Variants in RINT1 observed in about 807,000 individuals in gnomAD.
RINT1 encodes RAD50-interacting protein 1.
RINT1 carries 75 observed loss-of-function variants against 97.7 expected under a neutral mutation model. That is an observed-to-expected ratio of 0.77 (90% CI 0.64 to 0.93). RINT1 has a LOEUF of 0.93. Ranked by LOEUF, RINT1 falls within the 40% of genes least tolerant of loss-of-function variation. The pLI, the probability that RINT1 is intolerant of heterozygous loss-of-function variation, is 0.00. For missense variants in RINT1, 892 were observed against 925.2 expected (o/e 0.96, Z 0.47); for synonymous variants, 303 against 326.3 (o/e 0.93, Z 0.77).
rs111689037 is a variant in RINT1 at position 105,555,269 on chromosome 7, C to T, written c.1671+42C>T. 1,958 of 1,482,646 alleles carry T rather than the reference C, an allele frequency of 1.3e-3. 21 individuals are homozygous for T. The African/African-American group carries it at 0.023, about 17-fold the overall frequency. The allele number at this position is 1,482,646 out of a possible 1,614,324, so 91.8% of individuals were successfully genotyped here. A position where few individuals can be genotyped will look rare whatever the true frequency, so the allele number is the denominator to read the frequency against. On this transcript the variant is annotated intron_variant, in intron 11 of 14. Transcript: ENST00000257700. ...TTATATTAAGTAATATATACTAGTTCGAACTATTTTATTAATACTTTTCAA... is the reference window on the plus strand; with the variant it reads ...TTATATTAAGTAATATATACTAGTTTGAACTATTTTATTAATACTTTTCAA...
At chr7:105,546,821 A>G (rs937052320) in intron 4 of RINT1, 89 bp from the exon 5 acceptor site, 1 of 888,358 alleles carries the variant, frequency 1.1e-6, no homozygotes, top group Non-Finnish European at 1.7e-6. Flanking sequence ...ATTTGCATTG[A>G]GCCAAATCAT....
Position 105,542,655 on chromosome 7 carries a change from A to C in RINT1, c.515+6A>C. 6.2e-7 allele frequency: 1 copy of C among 1,612,266 alleles called. No homozygotes were observed. The highest frequency in any genetic ancestry group is 1.7e-5 in the Admixed American group (1 of 59,742). On this transcript the variant is annotated splice_donor_region_variant and intron_variant, in intron 4 of 14. Coordinates refer to ENST00000257700, the MANE Select transcript of RINT1 (RefSeq NM_021930.6). ...TCACAAATTGAAGAACTAAGGTAAA[A>C]TGGGCCTCTTTGTTCTCACAATTAC...
At chr7:105,547,757 T>A (rs1790735224) in intron 6 of RINT1, among the ~76,000 whole-genome samples, 1 of 149,876 alleles carries the variant, frequency 6.7e-6, no homozygotes, top group South Asian at 2.1e-4. Context: ...TTCGCTCTTG[T>A]TGCCCAGGCT....
At position 105,536,612 on chromosome 7, in the gene RINT1, G is replaced by A. The variant is rs1440610951; in HGVS notation, c.136G>A (p.Gly46Ser). 2 of 1,609,554 alleles carry A rather than the reference G, an allele frequency of 1.2e-6. No individual in the cohort carries two copies. The highest frequency in any genetic ancestry group is 3.4e-5 in the Admixed American group (2 of 59,232). The change falls in exon 3 of 15, where the codon GGT (glycine) becomes AGT (serine). Residue 46 changes from glycine to serine, a missense_variant. Transcript: ENST00000257700. The part of the protein sequence containing the change: ...VLIGSKQVSE[G>S]TDNGDLPSYV... Reference sequence around the variant, plus strand: ...TATTGGAAGTAAACAAGTCAGTGAAGGTACAGATAATGGTGATCTCCCTTC... The same window carrying A: ...TATTGGAAGTAAACAAGTCAGTGAAAGTACAGATAATGGTGATCTCCCTTC...
chr7:105,551,059 C>T (rs1790903880), intron 9 of RINT1, among the ~76,000 whole-genome samples: 1 of 152,008 alleles, frequency 6.6e-6, no homozygotes, highest in Non-Finnish European at 1.5e-5. Context: ...GATAGGGTCT[C>T]ACTTTGTCAC....
intron 4 of RINT1, among the ~76,000 whole-genome samples, chr7:105,546,171 G>C (rs1489047164): frequency 1.3e-5 from 2 of 152,266 alleles, no homozygotes; most frequent in East Asian, 3.9e-4. Flanking sequence ...GTTCAGCTGG[G>C]CAAAGTATGT....
At chr7:105,560,175 A>G (rs1042169407) in intron 11 of RINT1, among the ~76,000 whole-genome samples, 1 of 152,194 alleles carries the variant, frequency 6.6e-6, no homozygotes, top group Admixed American at 6.5e-5. Context: ...TCCTTCTGCA[A>G]TCTCAAAAGA....
chr7:105,566,258 AAT>A (rs1307502749), intron 14 of RINT1: 1 of 152,186 alleles, frequency 6.6e-6, no homozygotes. Flanking sequence ...AAAAATTACA[AAT>A]ATGTTTAATA....
rs763396368 is a variant in RINT1, at chr7:105,551,622, G to T, written c.1386G>T (p.Ser462=). The change falls in exon 10 of 15, where the codon TCG becomes TCT. Residue 462 remains serine (S), a synonymous_variant. Coordinates refer to ENST00000257700, the MANE Select transcript of RINT1 (RefSeq NM_021930.6). ...SMLSSEAAWV[S]QYKDITDVDE... is the part of the protein sequence containing the mutation. Reference sequence around the variant, plus strand: ...TTTCCTCAGAAGCTGCCTGGGTATCGCAATATAAGGATATCACTGACGTGG... The same window carrying T: ...TTTCCTCAGAAGCTGCCTGGGTATCTCAATATAAGGATATCACTGACGTGG... 6.2e-7 allele frequency: 1 copy of T among 1,609,996 alleles called. No homozygotes were observed. Among genetic ancestry groups the T allele is most frequent in the Non-Finnish European group, 8.5e-7 (1 of 1,177,676 alleles).
chr7:105,557,483 C>T (rs1048733748), intron 11 of RINT1, among the ~76,000 whole-genome samples: 4 of 151,632 alleles, frequency 2.6e-5, no homozygotes, highest in Non-Finnish European at 4.4e-5. Flanking sequence ...GAAATAAAAG[C>T]GGAAATGAAA....
intron 4 of RINT1, 85 bp downstream of exon 4, chr7:105,542,734 T>A: frequency 7.5e-7 from 1 of 1,325,648 alleles, no homozygotes; most frequent in Non-Finnish European, 1.0e-6. Flanking sequence ...ATTAAATAAT[T>A]GAGTTAATTA....
At chr7:105,544,562 G>A (rs987201435) in intron 4 of RINT1, among the ~76,000 whole-genome samples, 2 of 152,062 alleles carry the variant, frequency 1.3e-5, no homozygotes, top group African/African-American at 4.8e-5. Context: ...GGCCTCCCGA[G>A]TAGCTAGGAC....
rs764137424 is a variant in RINT1 at position 105,555,016 on chromosome 7, CT to C, written c.1472-7del. On this transcript the variant is annotated splice_polypyrimidine_tract_variant and intron_variant, in intron 10 of 14. Transcript: ENST00000257700. ...CCAAAACCTTCATATGTCTTAATAA[CT>C]TTTTCCACAGACAGGTATAAAAATC... 1.9e-6 allele frequency: 3 copies of C among 1,610,052 alleles called. No individual in the cohort carries two copies. Among genetic ancestry groups the C allele is most frequent in the South Asian group, 2.2e-5 (2 of 90,872 alleles).
intron 3 of RINT1, among the ~76,000 whole-genome samples, chr7:105,538,077 C>T (rs1790317669): frequency 6.6e-6 from 1 of 151,770 alleles, no homozygotes; most frequent in South Asian, 2.1e-4. Context: ...ACTGCAACCT[C>T]TGCCTCCTGG....
In RINT1 at chr7:105,547,008, C is replaced by T. The variant is rs1169125602; in HGVS notation, c.614C>T (p.Ser205Phe). The change falls in exon 5 of 15, where the codon TCT becomes TTT. Residue 205 changes from serine to phenylalanine, a missense_variant. Physicochemically the swap from Ser to Phe is radical, Grantham distance 155 (BLOSUM62 -2). Coordinates refer to ENST00000257700, the MANE Select transcript of RINT1 (RefSeq NM_021930.6). ...AELDIKLQESSCTHLLGFMRA... is the reference protein window; with the variant it reads ...AELDIKLQESFCTHLLGFMRA... ...CTTGACATTAAACTTCAGGAATCAT[C>T]TTGTACTCATCTTCTTGGTTTCATG... is the stretch of plus-strand genomic sequence containing the variant. The T allele has an allele frequency of 1.9e-6, 3 of 1,613,764 alleles. No homozygotes were observed. Among genetic ancestry groups the T allele is most frequent in the Non-Finnish European group, 2.5e-6 (3 of 1,179,788 alleles).
intron 11 of RINT1, among the ~76,000 whole-genome samples, chr7:105,556,865 G>A (rs1791204409): frequency 6.6e-6 from 1 of 152,164 alleles, no homozygotes; most frequent in South Asian, 2.1e-4. Flanking sequence ...AGTCTAATTA[G>A]CCTTTATAAC....
At chr7:105,542,786 G>C (rs1008930736) in intron 4 of RINT1, 137 bp downstream of exon 4, 1 of 907,748 alleles carries the variant, frequency 1.1e-6, no homozygotes. Context: ...TGTGAAAATA[G>C]CATTATGATA....
intron 10 of RINT1, among the ~76,000 whole-genome samples, chr7:105,551,976 G>T (rs1363646737): frequency 6.6e-6 from 1 of 152,108 alleles, no homozygotes. Context: ...GCTGAGGTGG[G>T]AGGATTTTTT....
At chr7:105,540,838 C>CTT (rs56336226) in intron 3 of RINT1, among the ~76,000 whole-genome samples, 6,536 of 134,182 alleles carry the variant, frequency 0.049, 540 homozygotes, top group African/African-American at 0.16. Flanking sequence ...TCTTTGTTTC[C>CTT]TTTTTTTTTT....
Sources: gnomAD v4.1 joint callset for allele counts (sites outside exome capture counted in the v4.1 genomes callset) on GRCh38, gnomAD v4.1.1 for gene constraint, MANE v1.5 for transcripts, NCBI Gene and HGNC (gene_info 2026-07-23, HGNC 2026-07-21) for gene names.